The following ZNF14 variants were observed in gnomAD, a reference collection of about 807,000 sequenced individuals.
ZNF14 encodes the protein gonadotropin inducible transcription repressor-4.
A neutral mutation model predicts 11.3 loss-of-function variants in ZNF14; 9 were observed. The ratio of observed to expected loss-of-function variants is 0.80; its 90% CI spans 0.48 to 1.39. The LOEUF (loss-of-function observed/expected upper bound fraction) is 1.39. Among genes scored for constraint, ZNF14 ranks in the 40% most tolerant of loss-of-function variants. The pLI, the probability that ZNF14 is intolerant of heterozygous loss-of-function variation, is 0.00. For synonymous variants in ZNF14, 239 were observed against 245.7 expected (o/e 0.97, Z 0.25); for missense variants, 711 against 763.9 (o/e 0.93, Z 0.82).
intron 1 of ZNF14, among the ~76,000 whole-genome samples, chr19:19,726,158 G>A (rs990960279): frequency 1.5e-5 from 2 of 134,506 alleles, no homozygotes; most frequent in African/African-American, 5.5e-5. Context: ...GAGGAGAAGA[G>A]GTGCTCTGAT....
Position 19,727,513 on chromosome 19 carries a change from T to C in ZNF14, c.3+5443A>G, listed in dbSNP as rs2062409675. Among the ~76,000 whole-genome samples the C allele has an allele frequency of 1.5e-5, 2 of 132,714 alleles. 1 individual carries two copies. The highest frequency in any genetic ancestry group is 3.3e-5 in the Non-Finnish European group (2 of 59,912). The allele number at this position is 132,714 out of a possible 152,430, so 87.1% of individuals were successfully genotyped here. A position where few individuals can be genotyped will look rare whatever the true frequency, so the allele number is the denominator to read the frequency against. On this transcript the variant is annotated intron_variant, in intron 1 of 3. Coordinates refer to ENST00000344099, the MANE Select transcript of ZNF14 (RefSeq NM_021030.3). ...CTACTACTTCTGTTCCTACCACTCC[T>C]ACTAAAGCCACCGTAAAAATTCCTG...
chr19:19,723,418 C>T (rs920196690), intron 1 of ZNF14, among the ~76,000 whole-genome samples: 1 of 152,138 alleles, frequency 6.6e-6, no homozygotes, highest in Non-Finnish European at 1.5e-5. Flanking sequence ...AGCCTTGCAT[C>T]CCAGGGATGA....
intron 1 of ZNF14, among the ~76,000 whole-genome samples, chr19:19,718,138 A>G (rs2062382716): frequency 2.0e-5 from 3 of 152,248 alleles, no homozygotes; most frequent in African/African-American, 7.2e-5. Flanking sequence ...TAAGAACAGA[A>G]TTAGAAGACA....
chr19:19,716,495 G>A (rs2062378292), intron 1 of ZNF14, among the ~76,000 whole-genome samples: 2 of 151,974 alleles, frequency 1.3e-5, no homozygotes, highest in South Asian at 4.1e-4. Context: ...TGCCATGTTG[G>A]CCAGGCTGGG....
chr19:19,728,515 C>CAAAAAAAAAAAAAAAAAAAAAAAAAAAA (rs56355771), intron 1 of ZNF14, among the ~76,000 whole-genome samples: 1 of 53,928 alleles, frequency 1.9e-5, no homozygotes. Context: ...AACTCCGTCT[C>CAAAAAAAAAAAAAAAAAAAAAAAAAAAA]AAAAAAAAAA....
At position 19,712,708 on chromosome 19, in the gene ZNF14, A is replaced by G; in HGVS notation, c.573T>C (p.His191=). Reference sequence around the variant, plus strand: ...TACATTCATAGGGTTTCTGTCCAGCATGAGTCCTTTCATGTCTTTGAAATG... The same window carrying G: ...TACATTCATAGGGTTTCTGTCCAGCGTGAGTCCTTTCATGTCTTTGAAATG... ...YQPFQRHERT[H]AGQKPYECKQ... is the part of the protein sequence containing the mutation. The change falls in exon 4 of 4, where the codon CAT becomes CAC. Residue 191 remains histidine, a synonymous_variant. Transcript: ENST00000344099. 1.2e-6 allele frequency: 2 copies of G among 1,613,356 alleles called. No homozygotes were observed. The highest frequency in any genetic ancestry group is 8.5e-7 in the Non-Finnish European group (1 of 1,179,810).
At chr19:19,730,010 A>G (rs2062418621) in intron 1 of ZNF14, among the ~76,000 whole-genome samples, 2 of 152,122 alleles carry the variant, frequency 1.3e-5, no homozygotes, top group Admixed American at 6.6e-5. Flanking sequence ...GCTTGGCTAC[A>G]ATATATGCAA....
chr19:19,717,698 A>C (rs1185639193), intron 1 of ZNF14, among the ~76,000 whole-genome samples: 4 of 152,194 alleles, frequency 2.6e-5, no homozygotes, highest in Admixed American at 1.3e-4. Context: ...ACACACAAAG[A>C]CTAAGTATCT....
At chr19:19,732,887 G>A (rs2062428138) in intron 1 of ZNF14, 69 bp downstream of exon 1, 12 of 1,596,260 alleles carry the variant, frequency 7.5e-6, no homozygotes, top group East Asian at 2.3e-5. Flanking sequence ...CTGCAAGGAG[G>A]TCCCCGGCCT....
At chr19:19,722,120 T>TAC (rs1407507480) in intron 1 of ZNF14, among the ~76,000 whole-genome samples, 1 of 152,152 alleles carries the variant, frequency 6.6e-6, no homozygotes, top group Non-Finnish European at 1.5e-5. Context: ...AACACAAGCA[T>TAC]ACACACCACT....
Position 19,733,046 on chromosome 19 carries a change from A to G in ZNF14, c.-88T>C. 6.5e-7 allele frequency: 1 copy of G among 1,543,824 alleles called. No individual in the cohort carries two copies. The highest frequency in any genetic ancestry group is 8.8e-7 in the Non-Finnish European group (1 of 1,133,302). On this transcript the variant is annotated 5_prime_UTR_variant, in exon 1 of 4. Transcript: ENST00000344099. ...GCGCGACAAAGGATGCGCTAGAGCC[A>G]CCTTCGGCCTTCAGGAGCAGGTGAA...
At chr19:19,730,311 C>A (rs1241518723) in intron 1 of ZNF14, among the ~76,000 whole-genome samples, 1 of 151,826 alleles carries the variant, frequency 6.6e-6, no homozygotes, top group Non-Finnish European at 1.5e-5. Flanking sequence ...ACAGGCGTGA[C>A]CCACCGTGCC....
intron 1 of ZNF14, among the ~76,000 whole-genome samples, chr19:19,715,086 A>G (rs542773244): frequency 3.5e-4 from 53 of 152,320 alleles, no homozygotes; most frequent in African/African-American, 1.2e-3. Context: ...CACACTGGAA[A>G]AGTAAGAGAA....
At chr19:19,732,785 G>C (rs1483732496) in intron 1 of ZNF14, among the ~76,000 whole-genome samples, 171 bp downstream of exon 1, 2 of 152,160 alleles carry the variant, frequency 1.3e-5, no homozygotes, top group Non-Finnish European at 2.9e-5. Context: ...CAGGACGCTG[G>C]GGCTCCCGGC....
Position 19,712,796 on chromosome 19 carries a change from G to A in ZNF14, c.485C>T (p.Thr162Ile), listed in dbSNP as rs200559050. The change falls in exon 4 of 4, where the codon ACT becomes ATT. Residue 162 changes from threonine (T) to isoleucine (I), a missense_variant. Thr to Ile is a moderately conservative substitution (Grantham distance 89, BLOSUM62 -1). Transcript: ENST00000344099. ...YHHCFRKHER[T>I]HTGVKPYECK... Reference sequence around the variant, plus strand: ...TTCATAGGGCTTCACTCCAGTGTGAGTTCTTTCATGTTTGCGAAAGCAGTG... The same window carrying A: ...TTCATAGGGCTTCACTCCAGTGTGAATTCTTTCATGTTTGCGAAAGCAGTG... 1 of 1,614,174 alleles carries A rather than the reference G, an allele frequency of 6.2e-7. No individual in the cohort carries two copies. Among genetic ancestry groups the A allele is most frequent in the African/African-American group, 1.3e-5 (1 of 75,046 alleles).
At position 19,712,614 on chromosome 19, in the gene ZNF14, A is replaced by C; in HGVS notation, c.667T>G (p.Tyr223Asp). 1 of 1,613,850 alleles carries C rather than the reference A, an allele frequency of 6.2e-7. No homozygotes were observed. The highest frequency in any genetic ancestry group is 8.5e-7 in the Non-Finnish European group (1 of 1,179,938). ...QKHAHTGKKP[Y>D]ECKQCGKAFI... is the part of the protein sequence containing the mutation. ...GCTTTCCCACACTGTTTACATTCAT[A>C]GGGTTTCTTTCCAGTATGAGCATGT... is the stretch of plus-strand genomic sequence containing the variant. Residue 223 changes from tyrosine (Y) to aspartate (D), a missense_variant, in exon 4 of 4, where the codon TAT becomes GAT. Tyr to Asp is a radical substitution (Grantham distance 160). Transcript: ENST00000344099.
chr19:19,728,983 T>C (rs566985612), intron 1 of ZNF14, among the ~76,000 whole-genome samples: 1 of 152,276 alleles, frequency 6.6e-6, no homozygotes, highest in East Asian at 1.9e-4. Context: ...CCAGTAATCT[T>C]TTCCCCCCGA....
intron 1 of ZNF14, among the ~76,000 whole-genome samples, chr19:19,725,658 AT>A (rs2062404502): frequency 7.4e-6 from 1 of 134,622 alleles, no homozygotes; most frequent in Non-Finnish European, 1.7e-5. Flanking sequence ...CCTGGATAAT[AT>A]CCTGAAGAGT....
At chr19:19,715,172 C>T (rs763550364) in intron 1 of ZNF14, among the ~76,000 whole-genome samples, 9 of 152,174 alleles carry the variant, frequency 5.9e-5, no homozygotes, top group Non-Finnish European at 8.8e-5. Context: ...TTATTACGTA[C>T]CATATCACTC....
Sources: allele counts gnomAD v4.1 joint callset (sites outside exome capture counted in the v4.1 genomes callset), GRCh38; gene constraint gnomAD v4.1.1; transcripts MANE v1.5; gene names NCBI Gene and HGNC (gene_info 2026-07-23, HGNC 2026-07-21).